TMEM200A: variants seen among roughly 807,000 people sequenced by gnomAD.
TMEM200A encodes the protein two transmembrane C.
Under a neutral mutation model 24.3 loss-of-function variants are expected in TMEM200A, and 12 were observed. That is an observed-to-expected ratio of 0.49 (90% confidence interval 0.32 to 0.80). The LOEUF is 0.80. Ranked by LOEUF, TMEM200A falls within the 30% of genes least tolerant of loss-of-function variation. The probability of loss-of-function intolerance (pLI) is 0.04; values close to 1 mark genes in which losing one functional copy is unlikely to be tolerated. For missense variants in TMEM200A, 545 were observed against 614.4 expected, an observed-to-expected ratio of 0.89 and a Z score of 1.19; for synonymous variants, 224 against 224.4, an observed-to-expected ratio of 1.00 and a Z score of 0.02.
chr6:130,393,293 T>A (rs906711819), intron 2 of TMEM200A, among the ~76,000 whole-genome samples: 1 of 152,174 alleles, frequency 6.6e-6, no homozygotes, highest in Non-Finnish European at 1.5e-5. Context: ...TTTAAGGAAT[T>A]TGATCTTGTA....
At position 130,370,427 on chromosome 6, in the gene TMEM200A, G is replaced by T. The variant is rs761790535; in HGVS notation, c.-81+3903G>T. Reference sequence around the variant, plus strand: ...GGGATGAGGAGGAGGAGGCTGGTAGGGCACTATGATAGGCAGTTCTGTCAA... The same window carrying T: ...GGGATGAGGAGGAGGAGGCTGGTAGTGCACTATGATAGGCAGTTCTGTCAA... On this transcript the variant is annotated intron_variant, in intron 1 of 2. Coordinates refer to ENST00000296978, the MANE Select transcript of TMEM200A (RefSeq NM_001258277.2). Among the ~76,000 whole-genome samples, 53 of 152,050 alleles carry T rather than the reference G, an allele frequency of 3.5e-4. 1 individual carries two copies. Among genetic ancestry groups the T allele is most frequent in the Non-Finnish European group, 3.5e-4 (24 of 68,000 alleles).
intron 2 of TMEM200A, among the ~76,000 whole-genome samples, chr6:130,415,963 C>CT (rs1442971165): frequency 3.9e-5 from 6 of 151,938 alleles, no homozygotes; most frequent in Admixed American, 3.9e-4. Context: ...AATATTGTGG[C>CT]TTTTTTTCTT....
At chr6:130,384,844 T>C (rs1004110359) in intron 1 of TMEM200A, among the ~76,000 whole-genome samples, 2 of 152,236 alleles carry the variant, frequency 1.3e-5, no homozygotes, top group African/African-American at 2.4e-5. Flanking sequence ...AGAATTTCTT[T>C]TCATTTTCTT....
At chr6:130,425,275 G>T (rs977916366) in intron 2 of TMEM200A, among the ~76,000 whole-genome samples, 14 of 151,760 alleles carry the variant, frequency 9.2e-5, no homozygotes, top group African/African-American at 3.1e-4. Flanking sequence ...GAGCATAGAA[G>T]TTTGAAGTTA....
chr6:130,383,636 A>G (rs547691585), intron 1 of TMEM200A, among the ~76,000 whole-genome samples: 1 of 152,320 alleles, frequency 6.6e-6, no homozygotes, highest in African/African-American at 2.4e-5. Flanking sequence ...TTAGTGTTTT[A>G]ACAAATCACA....
intron 2 of TMEM200A, among the ~76,000 whole-genome samples, chr6:130,401,785 G>GT (rs1376443655): frequency 2.0e-5 from 3 of 151,698 alleles, no homozygotes; most frequent in African/African-American, 7.3e-5. Context: ...AATTTGATAG[G>GT]TAAAAACAGT....
chr6:130,415,042 A>C (rs1173883974), intron 2 of TMEM200A, among the ~76,000 whole-genome samples: 1 of 152,216 alleles, frequency 6.6e-6, no homozygotes, highest in African/African-American at 2.4e-5. Flanking sequence ...TATTTGGTTC[A>C]GCATGAAATA....
chr6:130,424,961 C>G (rs774954076), intron 2 of TMEM200A, among the ~76,000 whole-genome samples: 2 of 152,106 alleles, frequency 1.3e-5, no homozygotes, highest in Non-Finnish European at 2.9e-5. Context: ...TTGAAAACAG[C>G]TTGAAGGTCA....
intron 2 of TMEM200A, among the ~76,000 whole-genome samples, chr6:130,434,227 G>A (rs575325329): frequency 6.6e-6 from 1 of 152,068 alleles, no homozygotes; most frequent in South Asian, 2.1e-4. Flanking sequence ...CAAGGCACTG[G>A]GACAGCATGA....
upstream of TMEM200A, chr6:130,365,854 G>A (rs867535997): frequency 1.0e-6 from 1 of 985,668 alleles, no homozygotes. Flanking sequence ...TCCAGGAGGA[G>A]TGGGTGGCAG....
At chr6:130,414,472 T>G (rs1391404779) in intron 2 of TMEM200A, among the ~76,000 whole-genome samples, 2 of 150,198 alleles carry the variant, frequency 1.3e-5, no homozygotes, top group Non-Finnish European at 3.0e-5. Flanking sequence ...CTAGAAAATA[T>G]TAGGTATATG....
At chr6:130,372,697 G>A (rs772877977) in intron 1 of TMEM200A, among the ~76,000 whole-genome samples, 7 of 152,118 alleles carry the variant, frequency 4.6e-5, no homozygotes, top group African/African-American at 1.4e-4. Context: ...ACATCATATC[G>A]TTCCCCAACA....
chr6:130,426,363 T>A (rs1015198375), intron 2 of TMEM200A, among the ~76,000 whole-genome samples: 2 of 151,990 alleles, frequency 1.3e-5, no homozygotes, highest in Non-Finnish European at 1.5e-5. Flanking sequence ...AGAGATTTAA[T>A]TTCAAGGCAT....
At chr6:130,409,642 T>C (rs917344069) in intron 2 of TMEM200A, among the ~76,000 whole-genome samples, 8 of 152,208 alleles carry the variant, frequency 5.3e-5, no homozygotes, top group Non-Finnish European at 1.2e-4. Flanking sequence ...ATTCTTATAA[T>C]ACAAAGTATT....
At chr6:130,389,937 G>T (rs1036318247) in intron 2 of TMEM200A, among the ~76,000 whole-genome samples, 1 of 152,118 alleles carries the variant, frequency 6.6e-6, no homozygotes, top group Non-Finnish European at 1.5e-5. Flanking sequence ...ACAATTAGCC[G>T]GGTAAAAATT....
chr6:130,405,843 A>G (rs1321771489), intron 2 of TMEM200A, among the ~76,000 whole-genome samples: 1 of 152,172 alleles, frequency 6.6e-6, no homozygotes, highest in Non-Finnish European at 1.5e-5. Flanking sequence ...TCCAGATGAT[A>G]GACACTGCAC....
intron 2 of TMEM200A, among the ~76,000 whole-genome samples, chr6:130,393,594 G>A (rs894846659): frequency 1.3e-5 from 2 of 152,142 alleles, no homozygotes; most frequent in Non-Finnish European, 2.9e-5. Flanking sequence ...TGCTTCAGCC[G>A]CCAATGGTGA....
chr6:130,380,184 G>A (rs964288178), intron 1 of TMEM200A, among the ~76,000 whole-genome samples: 6 of 152,148 alleles, frequency 3.9e-5, no homozygotes, highest in Non-Finnish European at 7.3e-5. Flanking sequence ...TGTTGATACT[G>A]TCAGAACAGA....
intron 2 of TMEM200A, among the ~76,000 whole-genome samples, chr6:130,428,772 A>T (rs1168593059): frequency 6.6e-6 from 1 of 152,230 alleles, no homozygotes; most frequent in Non-Finnish European, 1.5e-5. Flanking sequence ...TGTCAAGATG[A>T]TATAATTGTA....
Sources: gnomAD v4.1 joint callset for allele counts (sites outside exome capture counted in the v4.1 genomes callset) on GRCh38, gnomAD v4.1.1 for gene constraint, MANE v1.5 for transcripts, NCBI Gene and HGNC (gene_info 2026-07-23, HGNC 2026-07-21) for gene names.